SNX29: variants seen among roughly 807,000 people sequenced by gnomAD.
SNX29 encodes sorting nexin 29.
In SNX29, 78 loss-of-function variants were observed where a neutral mutation model predicts 102.1. The ratio of observed to expected loss-of-function variants is 0.76; its 90% CI spans 0.64 to 0.92. SNX29 has a LOEUF of 0.92. SNX29 is among the 40% of genes least tolerant of loss of function. SNX29 has a pLI of 0.00. For missense variants in SNX29, 1,280 were observed against 1,061.7 expected, an observed-to-expected ratio of 1.21 and a Z score of -2.86; for synonymous variants, 580 against 414.5, an observed-to-expected ratio of 1.40 and a Z score of -4.85.
At chr16:12,519,694 T>C (rs547088127) in intron 19 of SNX29, among the ~76,000 whole-genome samples, 8 of 152,344 alleles carry the variant, frequency 5.3e-5, no homozygotes, top group Admixed American at 3.9e-4. Flanking sequence ...TTTTGTCTTA[T>C]TTAAAATTTT....
chr16:12,572,630 C>G lies in SNX29; in HGVS notation c.*4001C>G. The stretch of plus-strand genomic sequence containing the variant: ...CCCTCCGGCTACCCCCAGAATCCAT[C>G]CTTCATTCCTCCACCAAGCTCCTGT... On this transcript the variant is annotated 3_prime_UTR_variant, in exon 21 of 21. Transcript: ENST00000566228. 9.4e-7 allele frequency: 1 copy of G among 1,063,950 alleles called. No individual in the cohort carries two copies. The highest frequency in any genetic ancestry group is 1.1e-6 in the Non-Finnish European group (1 of 878,404). The allele number at this position is 1,063,950 out of a possible 1,614,324, so 65.9% of individuals were successfully genotyped here. A position where few individuals can be genotyped will look rare whatever the true frequency, so the allele number is the denominator to read the frequency against.
In SNX29 at chr16:12,425,038, C is replaced by A. The variant is rs565793669; in HGVS notation, c.2037+21509C>A. On this transcript the variant is annotated intron_variant, in intron 18 of 20. Coordinates refer to ENST00000566228, the MANE Select transcript of SNX29 (RefSeq NM_032167.5). ...TGTGTAACTACAGGCAACAGTATGGCTGGATCTCATAAACAATGTTGAGTG... is the reference window on the plus strand; with the variant it reads ...TGTGTAACTACAGGCAACAGTATGGATGGATCTCATAAACAATGTTGAGTG... Among the ~76,000 whole-genome samples the A allele has an allele frequency of 2.0e-5, 3 of 152,346 alleles. No individual in the cohort carries two copies. The South Asian group carries it at 6.2e-4, about 32-fold the overall frequency.
intron 13 of SNX29, chr16:12,135,442 C>A: frequency 1.7e-6 from 2 of 1,166,900 alleles, no homozygotes; most frequent in Non-Finnish European, 2.3e-6. Context: ...TTGCTCCATC[C>A]ATGAGGGCTT....
At chr16:12,062,959 C>T (rs1184355199) in intron 9 of SNX29, among the ~76,000 whole-genome samples, 1 of 152,172 alleles carries the variant, frequency 6.6e-6, no homozygotes, top group African/African-American at 2.4e-5. Flanking sequence ...TTAAATGAGG[C>T]TGAGTGCTTC....
intron 13 of SNX29, among the ~76,000 whole-genome samples, chr16:12,194,346 C>G (rs932251639): frequency 6.6e-6 from 1 of 152,108 alleles, no homozygotes; most frequent in Non-Finnish European, 1.5e-5. Flanking sequence ...GTTCTGTGAC[C>G]TTGAAAAACT....
chr16:12,547,382 T>C (rs904083328), intron 20 of SNX29, among the ~76,000 whole-genome samples: 1 of 152,074 alleles, frequency 6.6e-6, no homozygotes, highest in African/African-American at 2.4e-5. Context: ...GGGTAGAGCT[T>C]TGTTATGGGT....
At chr16:12,205,854 T>G (rs1334406908) in intron 14 of SNX29, among the ~76,000 whole-genome samples, 1 of 152,260 alleles carries the variant, frequency 6.6e-6, no homozygotes, top group African/African-American at 2.4e-5. Context: ...CCTGCTGTGT[T>G]GAAAGTGCCT....
intron 11 of SNX29, among the ~76,000 whole-genome samples, chr16:12,095,610 C>G (rs1267159850): frequency 6.6e-6 from 1 of 152,216 alleles, no homozygotes; most frequent in Non-Finnish European, 1.5e-5. Context: ...AGGGAATTTG[C>G]AGCTCATCAG....
At chr16:12,107,338 G>GT (rs34594204) in intron 11 of SNX29, among the ~76,000 whole-genome samples, 8,112 of 137,246 alleles carry the variant, frequency 0.059, 555 homozygotes, top group African/African-American at 0.17. Flanking sequence ...AGCACTGTGG[G>GT]TTTTTTTTTT....
Position 12,295,898 on chromosome 16 carries a change from G to A in SNX29, c.1782+17862G>A, listed in dbSNP as rs529014929. On this transcript the variant is annotated intron_variant, in intron 15 of 20. Transcript: ENST00000566228. The stretch of plus-strand genomic sequence containing the variant: ...ACAAAGACCAACTTCTGCGCCCAGC[G>A]CTTTCATCTCCAGGTGCCTGAGATT... Among the ~76,000 whole-genome samples, 80 of 152,054 alleles carry A rather than the reference G, an allele frequency of 5.3e-4. 1 individual carries two copies. The South Asian group carries it at 0.013, about 24-fold the overall frequency.
intron 15 of SNX29, among the ~76,000 whole-genome samples, chr16:12,283,815 A>G (rs539923564): frequency 6.6e-6 from 1 of 152,152 alleles, no homozygotes; most frequent in Non-Finnish European, 1.5e-5. Context: ...GGTTATACCC[A>G]CAGGCCTGGA....
intron 14 of SNX29, among the ~76,000 whole-genome samples, chr16:12,205,783 C>G (rs1337461899): frequency 6.6e-6 from 1 of 152,248 alleles, no homozygotes; most frequent in Admixed American, 6.5e-5. Flanking sequence ...CTTGTTTCTT[C>G]CCGGTGTTCC....
intron 7 of SNX29, among the ~76,000 whole-genome samples, chr16:12,051,521 G>C (rs1416369138): frequency 6.6e-6 from 1 of 152,160 alleles, no homozygotes; most frequent in Non-Finnish European, 1.5e-5. Flanking sequence ...TCATCTACCA[G>C]CTATGAGAAT....
intron 3 of SNX29, among the ~76,000 whole-genome samples, chr16:12,020,944 T>C (rs2057001028): frequency 6.6e-6 from 1 of 152,212 alleles, no homozygotes; most frequent in Admixed American, 6.5e-5. Context: ...TTTCAAATGA[T>C]TGTCATGTAA....
chr16:12,568,661 C>T lies in SNX29; in HGVS notation c.*32C>T, dbSNP rs377123054. 1.0e-4 allele frequency: 159 copies of T among 1,596,326 alleles called. No individual in the cohort carries two copies. The highest frequency in any genetic ancestry group is 8.8e-4 in the African/African-American group (66 of 74,934). ...CAAAACCGCAGCCACGGGCCCTGTGCGTGGCACCAGCTGCGTCCACCCCAG... is the reference window on the plus strand; with the variant it reads ...CAAAACCGCAGCCACGGGCCCTGTGTGTGGCACCAGCTGCGTCCACCCCAG... On this transcript the variant is annotated 3_prime_UTR_variant, in exon 21 of 21. Transcript: ENST00000566228.
rs187057569 is a variant in SNX29, at chr16:12,061,448, G to T, written c.1125-80G>T. On this transcript the variant is annotated intron_variant, in intron 8 of 20. Transcript: ENST00000566228. Reference sequence around the variant, plus strand: ...CCTTGGCCTGGTTAGTTCTCAGGAGGGTGCTGTGGATGCTTGTTGGTGAGT... The same window carrying T: ...CCTTGGCCTGGTTAGTTCTCAGGAGTGTGCTGTGGATGCTTGTTGGTGAGT... The T allele has an allele frequency of 1.4e-4, 163 of 1,175,472 alleles. No homozygotes were observed. The African/African-American group carries it at 2.1e-3, about 15-fold the overall frequency. The allele number at this position is 1,175,472 out of a possible 1,614,324, so 72.8% of individuals were successfully genotyped here.
At chr16:12,431,404 G>C (rs1363918322) in intron 18 of SNX29, among the ~76,000 whole-genome samples, 3 of 151,356 alleles carry the variant, frequency 2.0e-5, no homozygotes, top group East Asian at 1.9e-4. Flanking sequence ...TTTTCATTTA[G>C]GGGCTTGAGC....
intron 18 of SNX29, among the ~76,000 whole-genome samples, chr16:12,470,324 T>C (rs2087274819): frequency 6.6e-6 from 1 of 152,186 alleles, no homozygotes; most frequent in Non-Finnish European, 1.5e-5. Flanking sequence ...TGTCAGTGAA[T>C]GTTTATTTCT....
At position 12,561,499 on chromosome 16, in the gene SNX29, A is replaced by C. The variant is rs1380204659; in HGVS notation, c.2319-7007A>C. Among the ~76,000 whole-genome samples the C allele has an allele frequency of 3.9e-4, 60 of 152,280 alleles. 1 individual carries two copies. ...GTATTGACCGGCTCGCCAGACCCAG[A>C]TCACAGGTGAAACAAAGTGAAAAGT... On this transcript the variant is annotated intron_variant, in intron 20 of 20. Coordinates refer to ENST00000566228, the MANE Select transcript of SNX29 (RefSeq NM_032167.5).
Sources: allele counts gnomAD v4.1 joint callset (sites outside exome capture counted in the v4.1 genomes callset), GRCh38; gene constraint gnomAD v4.1.1; transcripts MANE v1.5; gene names NCBI Gene and HGNC (gene_info 2026-07-23, HGNC 2026-07-21).